ZP3: variants seen among roughly 807,000 people sequenced by gnomAD.
ZP3 encodes zona pellucida sperm-binding protein 3.
Under a neutral mutation model 35.6 loss-of-function variants are expected in ZP3, and 21 were observed. The observed-to-expected ratio is 0.59, with a 90% CI of 0.42 to 0.85. The LOEUF (loss-of-function observed/expected upper bound fraction) is 0.85, where lower values mean the gene tolerates loss of function less well. Among genes scored for constraint, ZP3 ranks in the 40% least tolerant of loss-of-function variants. The pLI is 0.00. For missense variants in ZP3, 437 were observed against 536.5 expected (o/e 0.81, Z 1.83); for synonymous variants, 207 against 214.5 (o/e 0.96, Z 0.31).
intron 1 of ZP3, chr7:76,428,511 T>C (rs1040025020): frequency 1.3e-5 from 2 of 152,232 alleles, no homozygotes; most frequent in Non-Finnish European, 2.9e-5. Context: ...GTGTTTGCTA[T>C]AAAACTCTCT....
chr7:76,432,040 A>G (rs1178316710), intron 2 of ZP3, among the ~76,000 whole-genome samples: 1 of 151,996 alleles, frequency 6.6e-6, no homozygotes, highest in African/African-American at 2.4e-5. Flanking sequence ...TTGTTTAAAA[A>G]AAAAAAGTCT....
chr7:76,406,410 G>T (rs991209386), intron 1 of ZP3, among the ~76,000 whole-genome samples: 30 of 151,970 alleles, frequency 2.0e-4, no homozygotes, highest in African/African-American at 7.3e-4. Context: ...AAGGACTCTG[G>T]TTTTCCGTTT....
intron 2 of ZP3, among the ~76,000 whole-genome samples, chr7:76,430,442 A>G (rs892054582): frequency 6.6e-6 from 1 of 152,084 alleles, no homozygotes; most frequent in African/African-American, 2.4e-5. Flanking sequence ...GGGAGTGGGT[A>G]TAAGATGATG....
At chr7:76,413,716 G>A (rs1805303539) in intron 1 of ZP3, among the ~76,000 whole-genome samples, 1 of 152,106 alleles carries the variant, frequency 6.6e-6, no homozygotes, top group African/African-American at 2.4e-5. Context: ...GCCCAGGGTG[G>A]AGTGTAGTGG....
chr7:76,432,808 C>T (rs902681622), intron 2 of ZP3, 119 bp from the exon 3 acceptor site: 7 of 770,744 alleles, frequency 9.1e-6, no homozygotes, highest in Non-Finnish European at 1.5e-5. Context: ...GCACCAGCTA[C>T]CTGGCTGGGC....
intron 5 of ZP3, among the ~76,000 whole-genome samples, chr7:76,435,347 G>A (rs1805961279): frequency 1.3e-5 from 2 of 152,218 alleles, no homozygotes; most frequent in African/African-American, 4.8e-5. Flanking sequence ...TAGAGACAAG[G>A]TTTTACCATG....
intron 1 of ZP3, chr7:76,404,418 G>C: frequency 6.2e-7 from 1 of 1,614,088 alleles, no homozygotes; most frequent in Non-Finnish European, 8.5e-7. Context: ...GGACCAATTA[G>C]CATCTCTGCT....
At chr7:76,399,708 C>T (rs900043406) in intron 1 of ZP3, among the ~76,000 whole-genome samples, 1 of 151,944 alleles carries the variant, frequency 6.6e-6, no homozygotes, top group Non-Finnish European at 1.5e-5. Flanking sequence ...TCTGATTTTT[C>T]GTAGAGATAA....
At chr7:76,412,460 A>T (rs1226270447) in intron 1 of ZP3, among the ~76,000 whole-genome samples, 2 of 152,248 alleles carry the variant, frequency 1.3e-5, no homozygotes, top group Non-Finnish European at 2.9e-5. Flanking sequence ...ATGATGAAAT[A>T]GTTTTGTATC....
At chr7:76,426,530 G>A (rs1194408575) in intron 1 of ZP3, among the ~76,000 whole-genome samples, 2 of 152,150 alleles carry the variant, frequency 1.3e-5, no homozygotes, top group African/African-American at 2.4e-5. Context: ...GAGGACTCGA[G>A]GCCCTTGTTT....
In ZP3 at chr7:76,429,637, G is replaced by A. The variant is rs565808076; in HGVS notation, c.431+4G>A. On this transcript the variant is annotated splice_donor_region_variant and intron_variant, in intron 2 of 7. Transcript: ENST00000394857. ...CCATCGAGTGCCGCTACCCCAGGTC[G>A]GTGTGGGACTGACTCATGGCCCCTG... 54 of 1,612,716 alleles carry A rather than the reference G, an allele frequency of 3.3e-5. No homozygotes were observed. The highest frequency in any genetic ancestry group is 1.8e-4 in the East Asian group (8 of 44,846).
intron 5 of ZP3, among the ~76,000 whole-genome samples, chr7:76,436,066 T>C (rs1805997639): frequency 1.2e-5 from 1 of 81,500 alleles, no homozygotes; most frequent in Admixed American, 1.6e-4. Flanking sequence ...TTTTTTTTTT[T>C]TTTTTTTTTG....
At chr7:76,415,163 G>T (rs1805339230) in intron 1 of ZP3, among the ~76,000 whole-genome samples, 1 of 151,562 alleles carries the variant, frequency 6.6e-6, no homozygotes, top group Non-Finnish European at 1.5e-5. Context: ...ATCACGTGAG[G>T]TCAGGAATTC....
In ZP3 at chr7:76,425,072, G is replaced by C. The variant is rs117869702; in HGVS notation, c.108G>C (p.Glu36Asp). 1.6e-3 allele frequency: 2,538 copies of C among 1,613,236 alleles called. 6 individuals are homozygous for C. Among genetic ancestry groups the C allele is most frequent in the Middle Eastern group, 2.5e-3 (15 of 6,062 alleles). Residue 36 changes from glutamate to aspartate, a missense_variant, in exon 1 of 8, where the codon GAG becomes GAC. Glu to Asp is a conservative substitution (Grantham distance 45). Coordinates refer to ENST00000394857, the MANE Select transcript of ZP3 (RefSeq NM_001110354.2). ...TGCAGGGTGGAGCCAGCCATCCTGA[G>C]ACGTCCGTACAGCCCGTACTGGTGG... is the stretch of plus-strand genomic sequence containing the variant. ...WLLQGGASHP[E>D]TSVQPVLVEC...
chr7:76,421,239 C>T (rs1198024136), upstream of ZP3, among the ~76,000 whole-genome samples: 2 of 151,318 alleles, frequency 1.3e-5, no homozygotes, highest in Non-Finnish European at 2.9e-5. Flanking sequence ...CCGCCATTTC[C>T]ACATTTTTTT....
At chr7:76,422,282 C>T (rs1163295611), upstream of ZP3, among the ~76,000 whole-genome samples, 1 of 152,132 alleles carries the variant, frequency 6.6e-6, no homozygotes. Context: ...GCCCCGCCCA[C>T]CTCCCCGGCC....
chr7:76,435,914 C>T (rs1265036321), intron 5 of ZP3, among the ~76,000 whole-genome samples: 1 of 151,820 alleles, frequency 6.6e-6, no homozygotes, highest in Non-Finnish European at 1.5e-5. Context: ...TTAGTAGAGA[C>T]AGGGATTCAT....
chr7:76,409,414 CTGG>C (rs1440841396), intron 1 of ZP3: 3 of 152,466 alleles, frequency 2.0e-5, no homozygotes, highest in Non-Finnish European at 4.4e-5. Context: ...GGATTCATAC[CTGG>C]GGGAATGTTC....
intron 1 of ZP3, chr7:76,404,579 C>T: frequency 7.6e-7 from 1 of 1,322,470 alleles, no homozygotes; most frequent in Non-Finnish European, 1.1e-6. Context: ...ATTGCTTGCA[C>T]CCAGGGGTTT....
Sources: allele counts gnomAD v4.1 joint callset (sites outside exome capture counted in the v4.1 genomes callset), GRCh38; gene constraint gnomAD v4.1.1; transcripts MANE v1.5; gene names NCBI Gene and HGNC (gene_info 2026-07-23, HGNC 2026-07-21).